The following MYRIP variants were observed in gnomAD, a reference collection of about 807,000 sequenced individuals.
MYRIP encodes myosin VIIA and Rab interacting protein.
In MYRIP, 49 loss-of-function variants were observed where a neutral mutation model predicts 98.0. The observed-to-expected ratio is 0.50, with a 90% CI of 0.40 to 0.63. The LOEUF is 0.63. Among genes scored for constraint, MYRIP ranks in the 30% least tolerant of loss-of-function variants. The pLI, the probability that MYRIP is intolerant of heterozygous loss-of-function variation, is 0.00. For missense variants in MYRIP, 1,004 were observed against 1,058.2 expected, an observed-to-expected ratio of 0.95 and a Z score of 0.71; for synonymous variants, 404 against 409.5, an observed-to-expected ratio of 0.99 and a Z score of 0.16.
At chr3:39,977,354 C>T (rs148899349) in intron 2 of MYRIP, among the ~76,000 whole-genome samples, 108 of 152,246 alleles carry the variant, frequency 7.1e-4, no homozygotes, top group African/African-American at 2.6e-3. Flanking sequence ...GGTGGATTCA[C>T]CTGAATCAGC....
At chr3:39,825,219 C>T (rs1305387943) in intron 1 of MYRIP, among the ~76,000 whole-genome samples, 1 of 152,124 alleles carries the variant, frequency 6.6e-6, no homozygotes, top group Non-Finnish European at 1.5e-5. Context: ...ACTAGTACTT[C>T]CAGTACTATG....
At chr3:39,937,147 G>A (rs1944671592) in intron 2 of MYRIP, among the ~76,000 whole-genome samples, 1 of 152,106 alleles carries the variant, frequency 6.6e-6, no homozygotes, top group South Asian at 2.1e-4. Context: ...TGCTGGAAGG[G>A]CCTTCAAGTG....
chr3:40,245,634 A>G (rs1174781343), intron 13 of MYRIP, among the ~76,000 whole-genome samples: 1 of 119,034 alleles, frequency 8.4e-6, no homozygotes, highest in Non-Finnish European at 1.6e-5. Flanking sequence ...GGGGCAACAG[A>G]GTGAGACTCC....
At chr3:40,106,782 T>A (rs1263461417) in intron 3 of MYRIP, among the ~76,000 whole-genome samples, 2 of 152,162 alleles carry the variant, frequency 1.3e-5, no homozygotes, top group Non-Finnish European at 2.9e-5. Flanking sequence ...TTCCTTTTTA[T>A]CACTGGAAAC....
chr3:39,864,217 G>C (rs1215717952), intron 1 of MYRIP, among the ~76,000 whole-genome samples: 1 of 152,110 alleles, frequency 6.6e-6, no homozygotes, highest in Non-Finnish European at 1.5e-5. Context: ...AAGCCTGGAA[G>C]CATTCCCCTT....
chr3:39,972,764 A>G (rs1945621685), intron 2 of MYRIP, among the ~76,000 whole-genome samples: 1 of 151,768 alleles, frequency 6.6e-6, no homozygotes, highest in Admixed American at 6.6e-5. Context: ...CCCCCTTTCA[A>G]TTTTTTTCTT....
At chr3:39,897,881 T>C (rs13071344) in intron 1 of MYRIP, among the ~76,000 whole-genome samples, 3 of 151,790 alleles carry the variant, frequency 2.0e-5, no homozygotes, top group Non-Finnish European at 2.9e-5. Flanking sequence ...CTTCAGTCTT[T>C]CACTAACTGG....
intron 2 of MYRIP, among the ~76,000 whole-genome samples, chr3:40,038,909 C>A (rs1414804314): frequency 6.6e-6 from 1 of 152,070 alleles, no homozygotes; most frequent in Non-Finnish European, 1.5e-5. Flanking sequence ...CTCTAACCAG[C>A]CATGAAGGGC....
At chr3:40,189,737 C>T in intron 9 of MYRIP, 89 bp from the exon 10 acceptor site, 3 of 1,371,636 alleles carry the variant, frequency 2.2e-6, no homozygotes, top group Non-Finnish European at 3.0e-6. Context: ...CCCCACAAGC[C>T]ACTCTTGGGG....
intron 2 of MYRIP, among the ~76,000 whole-genome samples, chr3:39,955,250 G>T (rs1945126483): frequency 6.6e-6 from 1 of 152,058 alleles, no homozygotes; most frequent in Non-Finnish European, 1.5e-5. Context: ...TTGAAATTAA[G>T]GAAAAAATGT....
At chr3:40,220,713 G>A (rs904977007) in intron 11 of MYRIP, among the ~76,000 whole-genome samples, 4 of 152,110 alleles carry the variant, frequency 2.6e-5, no homozygotes, top group Admixed American at 2.0e-4. Flanking sequence ...GGCTCTACAG[G>A]AAGCATGGCT....
intron 5 of MYRIP, 92 bp downstream of exon 5, chr3:40,162,902 T>C: frequency 8.6e-7 from 1 of 1,162,066 alleles, no homozygotes; most frequent in Admixed American, 1.7e-5. Context: ...CCAGATGCAT[T>C]GTTACCCCAG....
At chr3:40,050,610 T>C (rs1947774751) in intron 3 of MYRIP, among the ~76,000 whole-genome samples, 1 of 152,208 alleles carries the variant, frequency 6.6e-6, no homozygotes, top group Non-Finnish European at 1.5e-5. Flanking sequence ...GATCAAGCAG[T>C]AATTTTGACT....
At chr3:39,949,012 T>G (rs940281331) in intron 2 of MYRIP, among the ~76,000 whole-genome samples, 2 of 152,236 alleles carry the variant, frequency 1.3e-5, no homozygotes, top group Middle Eastern at 6.8e-3. Flanking sequence ...AGTGTAAAAT[T>G]TGTAGGCTTT....
chr3:40,071,245 T>C (rs1454438227), intron 3 of MYRIP: 1 of 963,562 alleles, frequency 1.0e-6, no homozygotes, highest in African/African-American at 1.8e-5. Flanking sequence ...CTTGCTGGAG[T>C]TGGGGTCAGA....
At chr3:40,126,202 T>C (rs1244358240) in intron 3 of MYRIP, among the ~76,000 whole-genome samples, 1 of 152,186 alleles carries the variant, frequency 6.6e-6, no homozygotes, top group Non-Finnish European at 1.5e-5. Context: ...CCTGAGAAGT[T>C]ATCTGAAATG....
At chr3:40,048,595 C>A (rs72871447) in intron 3 of MYRIP, among the ~76,000 whole-genome samples, 4,018 of 152,182 alleles carry the variant, frequency 0.026, 83 homozygotes, top group African/African-American at 0.054. Context: ...CTAAGAAAAA[C>A]GTGGTAACCT....
At chr3:39,972,457 A>G (rs1162623826) in intron 2 of MYRIP, among the ~76,000 whole-genome samples, 1 of 152,102 alleles carries the variant, frequency 6.6e-6, no homozygotes, top group Admixed American at 6.6e-5. Context: ...TTAACGTGGA[A>G]CTAAACTTTG....
chr3:39,991,589 CT>C (rs67547884), intron 2 of MYRIP, among the ~76,000 whole-genome samples: 15,374 of 152,144 alleles, frequency 0.1, 1,352 homozygotes, highest in African/African-American at 0.23. Context: ...TATTGTTTAT[CT>C]TAACGCAACA....
Sources: allele counts gnomAD v4.1 joint callset (sites outside exome capture counted in the v4.1 genomes callset), GRCh38; gene constraint gnomAD v4.1.1; transcripts MANE v1.5; gene names NCBI Gene and HGNC (gene_info 2026-07-23, HGNC 2026-07-21).